EYS: variants seen among roughly 807,000 people sequenced by gnomAD.
The protein encoded by EYS is protein eyes shut homolog.
Under a neutral mutation model 282.1 loss-of-function variants are expected in EYS, and 250 were observed. The observed-to-expected ratio is 0.89, with a 90% CI of 0.80 to 0.98. EYS has a LOEUF of 0.98. EYS is among the 50% of genes least tolerant of loss of function. The pLI is 0.00. For synonymous variants in EYS, 1,355 were observed against 1,282.9 expected (o/e 1.06, Z -1.20); for missense variants, 4,016 against 3,709.0 (o/e 1.08, Z -2.15).
intron 31 of EYS, among the ~76,000 whole-genome samples, chr6:64,217,844 A>C (rs1030978628): frequency 6.6e-6 from 1 of 152,168 alleles, no homozygotes. Flanking sequence ...GGAATTTAAG[A>C]GTAGAAAGCA....
At chr6:64,263,072 GGTGATGATA>G (rs1454171429) in intron 30 of EYS, among the ~76,000 whole-genome samples, 1 of 81,582 alleles carries the variant, frequency 1.2e-5, no homozygotes, top group Non-Finnish European at 3.0e-5. Context: ...CTGTGTGTAA[GGTGATGATA>G]GTAAACGCTA....
At chr6:65,182,216 T>C (rs1255354766) in intron 12 of EYS, among the ~76,000 whole-genome samples, 2 of 150,424 alleles carry the variant, frequency 1.3e-5, no homozygotes, top group Non-Finnish European at 3.0e-5. Context: ...TAAAAATATA[T>C]ATAATAATAA....
intron 35 of EYS, among the ~76,000 whole-genome samples, chr6:63,981,390 G>C (rs1345658523): frequency 6.6e-6 from 1 of 151,680 alleles, no homozygotes; most frequent in Admixed American, 6.6e-5. Context: ...AAAAATTGTT[G>C]TTCTGGAACT....
chr6:64,646,808 GAA>G (rs1194625739), intron 22 of EYS, among the ~76,000 whole-genome samples: 24 of 105,926 alleles, frequency 2.3e-4, no homozygotes, highest in South Asian at 2.9e-4. Context: ...CCAGCTAAAA[GAA>G]AAAAAAAAAA....
chr6:65,390,946 C>A (rs1582229361), intron 7 of EYS, among the ~76,000 whole-genome samples: 2 of 151,886 alleles, frequency 1.3e-5, no homozygotes, highest in Non-Finnish European at 2.9e-5. Flanking sequence ...ATTCTGTGGA[C>A]AAAATGAGAT....
In EYS at chr6:65,588,078, T is replaced by C. The variant is rs192115149; in HGVS notation, c.-333+51700A>G. Reference sequence around the variant, plus strand: ...ATTAGAAAGATGTTTAGAAGAATAATTTTGTGACAGTGATTAAATTCTAAA... The same window carrying C: ...ATTAGAAAGATGTTTAGAAGAATAACTTTGTGACAGTGATTAAATTCTAAA... On this transcript the variant is annotated intron_variant, in intron 2 of 42. Transcript: ENST00000503581. 5.2e-4 allele frequency among the ~76,000 whole-genome samples: 79 copies of C among 152,172 alleles called. 1 individual carries two copies. The East Asian group carries it at 8.3e-3, about 16-fold the overall frequency.
chr6:65,536,844 C>T (rs1393458409), intron 2 of EYS, among the ~76,000 whole-genome samples: 1 of 152,042 alleles, frequency 6.6e-6, no homozygotes, highest in Non-Finnish European at 1.5e-5. Context: ...CTAAATTAAC[C>T]TATAAATTTC....
At chr6:64,237,707 T>C (rs187928326) in intron 30 of EYS, among the ~76,000 whole-genome samples, 76 of 152,330 alleles carry the variant, frequency 5.0e-4, no homozygotes, top group African/African-American at 1.7e-3. Context: ...TTGCCAGCAT[T>C]CTCAGCTAGT....
intron 29 of EYS, among the ~76,000 whole-genome samples, chr6:64,363,635 TGTC>T (rs1248002603): frequency 6.6e-6 from 1 of 151,942 alleles, no homozygotes; most frequent in Non-Finnish European, 1.5e-5. Context: ...GCTCTGAACA[TGTC>T]GTCAATACAC....
chr6:65,202,784 G>A (rs574016450), intron 12 of EYS, among the ~76,000 whole-genome samples: 1 of 152,208 alleles, frequency 6.6e-6, no homozygotes, highest in Non-Finnish European at 1.5e-5. Context: ...TAACTTGTAG[G>A]GCCAGTTGCC....
chr6:64,528,001 A>C (rs754034321), intron 26 of EYS, among the ~76,000 whole-genome samples: 2 of 151,696 alleles, frequency 1.3e-5, no homozygotes, highest in African/African-American at 2.4e-5. Context: ...TAAGTATATC[A>C]CATATATATG....
chr6:64,475,717 C>T (rs1418121994), intron 26 of EYS, among the ~76,000 whole-genome samples: 1 of 133,736 alleles, frequency 7.5e-6, no homozygotes, highest in Non-Finnish European at 1.6e-5. Flanking sequence ...CCTTAACTTC[C>T]TCTTTTTTAA....
chr6:63,849,548 C>G (rs1772187515), intron 36 of EYS, among the ~76,000 whole-genome samples: 1 of 152,130 alleles, frequency 6.6e-6, no homozygotes, highest in South Asian at 2.1e-4. Flanking sequence ...AGGAGTGGAC[C>G]TCCAGCAAAC....
At chr6:63,959,850 G>T (rs1765978865) in intron 35 of EYS, among the ~76,000 whole-genome samples, 1 of 152,042 alleles carries the variant, frequency 6.6e-6, no homozygotes, top group South Asian at 2.1e-4. Context: ...ACACACCATG[G>T]CCTGTAGGGG....
At chr6:65,337,470 A>C (rs546035258) in intron 10 of EYS, among the ~76,000 whole-genome samples, 1 of 151,406 alleles carries the variant, frequency 6.6e-6, no homozygotes, top group African/African-American at 2.4e-5. Context: ...CACTCGTATA[A>C]GAAGCAACAA....
intron 24 of EYS, among the ~76,000 whole-genome samples, chr6:64,601,824 G>A (rs1305180348): frequency 6.6e-6 from 1 of 151,792 alleles, no homozygotes; most frequent in Non-Finnish European, 1.5e-5. Flanking sequence ...ACTTCTACAG[G>A]CACTTCTGTA....
intron 28 of EYS, among the ~76,000 whole-genome samples, chr6:64,406,805 C>CAGATGTTGG (rs1226167660): frequency 6.6e-6 from 1 of 152,150 alleles, no homozygotes; most frequent in Non-Finnish European, 1.5e-5. Context: ...CAGGAAACAA[C>CAGATGTTGG]AGATGTTGGA....
intron 2 of EYS, among the ~76,000 whole-genome samples, chr6:65,565,913 A>C (rs1435573135): frequency 6.6e-6 from 1 of 152,008 alleles, no homozygotes; most frequent in Admixed American, 6.6e-5. Context: ...ACATACGGAC[A>C]CAGGGAGGGG....
chr6:64,663,798 CT>C (rs1313982400), intron 22 of EYS, among the ~76,000 whole-genome samples: 2 of 152,152 alleles, frequency 1.3e-5, no homozygotes, highest in Non-Finnish European at 1.5e-5. Context: ...GCACTCTGAC[CT>C]GGGGTTCTTG....
Sources: gnomAD v4.1 joint callset for allele counts (sites outside exome capture counted in the v4.1 genomes callset) on GRCh38, gnomAD v4.1.1 for gene constraint, MANE v1.5 for transcripts, NCBI Gene and HGNC (gene_info 2026-07-23, HGNC 2026-07-21) for gene names.